SIM1: variants seen among roughly 807,000 people sequenced by gnomAD.
SIM1 encodes the protein SIM bHLH transcription factor 1.
Under a neutral mutation model 78.2 loss-of-function variants are expected in SIM1, and 18 were observed. The ratio of observed to expected loss-of-function variants is 0.23; its 90% CI spans 0.16 to 0.34. The LOEUF (loss-of-function observed/expected upper bound fraction) is 0.34. Among genes scored for constraint, SIM1 ranks in the 10% least tolerant of loss-of-function variants. The pLI, the probability that SIM1 is intolerant of heterozygous loss-of-function variation, is 1.00. For missense variants in SIM1, 939 were observed against 975.1 expected (o/e 0.96, Z 0.49); for synonymous variants, 417 against 385.2 (o/e 1.08, Z -0.97).
chr6:100,398,582 C>A (rs1367985197), intron 10 of SIM1, among the ~76,000 whole-genome samples: 3 of 152,106 alleles, frequency 2.0e-5, no homozygotes, highest in Non-Finnish European at 4.4e-5. Context: ...TCTGAAGTTT[C>A]TTCCATGTTT....
rs780623076 is a variant in SIM1, at chr6:100,449,626, G to T, written c.422C>A (p.Thr141Asn). 9 of 1,614,046 alleles carry T rather than the reference G, an allele frequency of 5.6e-6. No individual in the cohort carries two copies. Among genetic ancestry groups the T allele is most frequent in the Middle Eastern group, 1.6e-4 (1 of 6,084 alleles). ...GTGAGAGTGGTAGGGTTGATGGGCG[G>T]TGAGCACCGCCGTCATCTCGTCGTG... ...ADHDEMTAVL[T>N]AHQPYHSHFV... is the part of the protein sequence containing the mutation. Residue 141 changes from threonine (T) to asparagine (N), a missense_variant, in exon 5 of 12, where the codon ACC becomes AAC. Around this residue, in one of 5 missense-constraint regions of SIM1, gnomAD observed 187 missense variants for 191.6 expected, o/e 0.98. Transcript: ENST00000369208.
rs1238740386 is a variant in SIM1 at position 100,385,885 on chromosome 6, CT to C, written c.*4475del. ...TGAGTTAAGCACTATCTGTACAACC[CT>C]TACAAGAAATTAGCACCACACAGAA... On this transcript the variant is annotated 3_prime_UTR_variant, in exon 12 of 12. Coordinates refer to ENST00000369208, the MANE Select transcript of SIM1 (RefSeq NM_005068.3). 2 of 151,960 alleles carry C rather than the reference CT, an allele frequency of 1.3e-5. No individual in the cohort carries two copies. The highest frequency in any genetic ancestry group is 4.8e-5 in the African/African-American group (2 of 41,396). 9.4% of individuals were successfully genotyped at this position (151,960 alleles called of 1,614,324 possible).
intron 10 of SIM1, among the ~76,000 whole-genome samples, chr6:100,418,622 T>C (rs1337203561): frequency 6.6e-6 from 1 of 152,102 alleles, no homozygotes; most frequent in African/African-American, 2.4e-5. Context: ...CAGTGAGGAT[T>C]TGGGGGTCCA....
intron 10 of SIM1, among the ~76,000 whole-genome samples, chr6:100,416,711 A>G (rs1013403598): frequency 6.6e-6 from 1 of 152,216 alleles, no homozygotes; most frequent in Non-Finnish European, 1.5e-5. Context: ...TATGTGTGTC[A>G]ATAACTACTA....
chr6:100,399,777 A>C (rs973303205), intron 10 of SIM1, among the ~76,000 whole-genome samples: 1 of 152,096 alleles, frequency 6.6e-6, no homozygotes, highest in African/African-American at 2.4e-5. Context: ...CCCCATCCAT[A>C]AATGTGAATT....
At chr6:100,435,984 A>G (rs946359399) in intron 9 of SIM1, among the ~76,000 whole-genome samples, 1 of 145,422 alleles carries the variant, frequency 6.9e-6, no homozygotes, top group African/African-American at 2.5e-5. Context: ...GAACTCCCTT[A>G]CCATACACAT....
chr6:100,419,704 C>T (rs907934941), intron 10 of SIM1, among the ~76,000 whole-genome samples: 15 of 152,050 alleles, frequency 9.9e-5, no homozygotes, highest in Non-Finnish European at 1.8e-4. Context: ...TGCAATGGTG[C>T]GATCTTGGCT....
At position 100,388,641 on chromosome 6, in the gene SIM1, G is replaced by C. The variant is rs1770564014; in HGVS notation, c.*1720C>G. On this transcript the variant is annotated 3_prime_UTR_variant, in exon 12 of 12. Coordinates refer to ENST00000369208, the MANE Select transcript of SIM1 (RefSeq NM_005068.3). ...TGATGAAAATATACTACTAATCCCTGAGTATTCAATTTCATGTTCTGTTTC... is the reference window on the plus strand; with the variant it reads ...TGATGAAAATATACTACTAATCCCTCAGTATTCAATTTCATGTTCTGTTTC... The C allele has an allele frequency of 1.3e-5, 2 of 152,086 alleles. No homozygotes were observed. Among genetic ancestry groups the C allele is most frequent in the Non-Finnish European group, 2.9e-5 (2 of 68,026 alleles). 9.4% of individuals were successfully genotyped at this position (152,086 alleles called of 1,614,324 possible).
In SIM1 at chr6:100,416,979, CA is replaced by C. The variant is rs113557389; in HGVS notation, c.1167+3810del. ...CCTGTTCAAAACCTTTACTAGTTCT[CA>C]AAAAAAAAAAACAAACTCTAAACTC... On this transcript the variant is annotated intron_variant, in intron 10 of 11. Coordinates refer to ENST00000369208, the MANE Select transcript of SIM1 (RefSeq NM_005068.3). 3.9e-3 allele frequency among the ~76,000 whole-genome samples: 558 copies of C among 141,332 alleles called. 2 individuals carry two copies. Among genetic ancestry groups the C allele is most frequent in the African/African-American group, 0.013 (501 of 37,984 alleles). The allele number at this position is 141,332 out of a possible 152,430, so 92.7% of individuals were successfully genotyped here.
intron 9 of SIM1, among the ~76,000 whole-genome samples, chr6:100,429,025 C>T (rs971871365): frequency 1.3e-5 from 2 of 152,110 alleles, no homozygotes; most frequent in Admixed American, 6.6e-5. Context: ...TATGGTAATT[C>T]CACCTCTGGG....
chr6:100,421,877 C>T (rs1771597409), intron 9 of SIM1, among the ~76,000 whole-genome samples: 1 of 152,288 alleles, frequency 6.6e-6, no homozygotes, highest in Middle Eastern at 3.4e-3. Context: ...TATGAAGACT[C>T]ATGGGAGAAT....
chr6:100,424,896 T>C (rs924013257), intron 9 of SIM1, among the ~76,000 whole-genome samples: 1 of 152,244 alleles, frequency 6.6e-6, no homozygotes, highest in African/African-American at 2.4e-5. Context: ...AGTTTCACTT[T>C]GGTAGTGATT....
intron 6 of SIM1, 118 bp downstream of exon 6, chr6:100,449,245 G>T (rs1772448417): frequency 3.8e-6 from 3 of 786,496 alleles, no homozygotes; most frequent in African/African-American, 1.7e-5. Context: ...GCTCTTCGAC[G>T]CAAGCTGGGG....
At chr6:100,417,314 T>C (rs761066242) in intron 10 of SIM1, among the ~76,000 whole-genome samples, 1 of 152,182 alleles carries the variant, frequency 6.6e-6, no homozygotes, top group African/African-American at 2.4e-5. Flanking sequence ...CAATAGTTAT[T>C]CTAGTATATA....
intron 2 of SIM1, among the ~76,000 whole-genome samples, chr6:100,462,318 C>A (rs1772876694): frequency 6.6e-6 from 1 of 152,148 alleles, no homozygotes; most frequent in East Asian, 1.9e-4. Flanking sequence ...GAATCCCCTT[C>A]CCCCAGCAAA....
At position 100,412,599 on chromosome 6, in the gene SIM1, GAAA is replaced by G. The variant is rs1562239552; in HGVS notation, c.1167+8188_1167+8190del. ...AGAAAGAAAGAAAGAAAGAAAGAAAGAAAGAAAGAAAGGAAAGAAAGAAGGAAA... is the reference window on the plus strand; with the variant it reads ...AGAAAGAAAGAAAGAAAGAAAGAAAGGAAAGAAAGGAAAGAAAGAAGGAAA... On this transcript the variant is annotated intron_variant, in intron 10 of 11. Coordinates refer to ENST00000369208, the MANE Select transcript of SIM1 (RefSeq NM_005068.3). 2.4e-4 allele frequency among the ~76,000 whole-genome samples: 21 copies of G among 86,514 alleles called. 1 individual carries two copies. The highest frequency in any genetic ancestry group is 6.3e-4 in the East Asian group (1 of 1,584). The allele number at this position is 86,514 out of a possible 152,430, so 56.8% of individuals were successfully genotyped here.
chr6:100,430,089 G>GTT (rs1431548375), intron 9 of SIM1, among the ~76,000 whole-genome samples: 1 of 152,056 alleles, frequency 6.6e-6, no homozygotes, highest in African/African-American at 2.4e-5. Flanking sequence ...AAAAAAGAAA[G>GTT]TCTTGTCATG....
chr6:100,448,483 A>G lies in SIM1; in HGVS notation c.739T>C (p.Ser247Pro), dbSNP rs1416582708. The G allele has an allele frequency of 1.2e-6, 2 of 1,613,694 alleles. No homozygotes were observed. The highest frequency in any genetic ancestry group is 1.7e-5 in the Admixed American group (1 of 60,014). ...TTTCCGGCCCTGCCCACCCACCTGG[A>G]GTCCAGAAAGATGAGCTTCATGTCC... Reference protein sequence around the residue: ...SLDMKLIFLDSRVAELTGYEP... With the variant: ...SLDMKLIFLDPRVAELTGYEP... Residue 247 changes from serine (S) to proline (P), a missense_variant, in exon 7 of 12, where the codon TCC becomes CCC. Ser to Pro is a moderately conservative substitution (Grantham distance 74). This residue lies in a region of SIM1 where 187 missense variants were observed against 191.6 expected (regional missense o/e 0.98). Coordinates refer to ENST00000369208, the MANE Select transcript of SIM1 (RefSeq NM_005068.3).
chr6:100,395,072 C>A (rs1354219126), intron 10 of SIM1, among the ~76,000 whole-genome samples: 3 of 152,072 alleles, frequency 2.0e-5, no homozygotes, highest in African/African-American at 7.2e-5. Flanking sequence ...CTTGATAGAT[C>A]TCCCTAGGAA....
Sources: gnomAD v4.1 joint callset for allele counts (sites outside exome capture counted in the v4.1 genomes callset) on GRCh38, gnomAD v4.1.1 for gene constraint, gnomAD v4.1.1 regional missense constraint, MANE v1.5 for transcripts, NCBI Gene and HGNC (gene_info 2026-07-23, HGNC 2026-07-21) for gene names.